GRIN3A: variants seen among roughly 807,000 people sequenced by gnomAD.
The protein encoded by GRIN3A is glutamate receptor ionotropic, NMDA 3A.
A neutral mutation model predicts 92.4 loss-of-function variants in GRIN3A; 47 were observed. That is an observed-to-expected ratio of 0.51 (90% CI 0.40 to 0.65). The LOEUF (loss-of-function observed/expected upper bound fraction) is 0.65, where lower values mean the gene tolerates loss of function less well. GRIN3A is among the 30% of genes least tolerant of loss of function. The pLI is 0.00. For synonymous variants in GRIN3A, 527 were observed against 540.6 expected (o/e 0.97, Z 0.35); for missense variants, 1,324 against 1,393.1 (o/e 0.95, Z 0.79).
chr9:101,728,414 G>T (rs1052834284), intron 1 of GRIN3A, among the ~76,000 whole-genome samples: 20 of 152,044 alleles, frequency 1.3e-4, no homozygotes, highest in Non-Finnish European at 2.1e-4. Flanking sequence ...TTTTTGAAAG[G>T]TACAAGTTGA....
chr9:101,632,210 A>G (rs1828724421), intron 3 of GRIN3A, among the ~76,000 whole-genome samples: 1 of 152,096 alleles, frequency 6.6e-6, no homozygotes, highest in Non-Finnish European at 1.5e-5. Flanking sequence ...TAACTCTTAA[A>G]TGTCACTTCC....
chr9:101,618,874 A>G (rs994903076), intron 5 of GRIN3A, among the ~76,000 whole-genome samples: 5 of 152,136 alleles, frequency 3.3e-5, no homozygotes, highest in Non-Finnish European at 7.4e-5. Context: ...AGTTGCTTTC[A>G]TTATTACTAG....
At chr9:101,684,508 TC>T (rs1253414963) in intron 2 of GRIN3A, among the ~76,000 whole-genome samples, 2 of 152,104 alleles carry the variant, frequency 1.3e-5, no homozygotes, top group Non-Finnish European at 2.9e-5. Context: ...GAATTTATAT[TC>T]TAGCTCAGAA....
intron 5 of GRIN3A, among the ~76,000 whole-genome samples, chr9:101,615,426 G>C (rs569450146): frequency 7.4e-6 from 1 of 134,468 alleles, no homozygotes; most frequent in Non-Finnish European, 1.5e-5. Context: ...TCTCGATCTC[G>C]GCTCACTGCA....
At chr9:101,648,536 G>A (rs1490535062) in intron 3 of GRIN3A, among the ~76,000 whole-genome samples, 2 of 151,990 alleles carry the variant, frequency 1.3e-5, no homozygotes. Flanking sequence ...TGTATGATCT[G>A]TTCATTGGTG....
intron 5 of GRIN3A, among the ~76,000 whole-genome samples, chr9:101,615,351 T>C (rs1828429917): frequency 6.6e-6 from 1 of 150,918 alleles, no homozygotes; most frequent in Admixed American, 6.6e-5. Context: ...TTATTCTAGC[T>C]TACAATTCAA....
In GRIN3A at chr9:101,737,923, C is replaced by T; in HGVS notation, c.57G>A (p.Pro19=). The change falls in exon 1 of 9, where the codon CCG becomes CCA. Residue 19 remains proline, a synonymous_variant. Coordinates refer to ENST00000361820, the MANE Select transcript of GRIN3A (RefSeq NM_133445.3). ...LLSRVCLLLP[P]PCALVLAGVP... is the part of the protein sequence containing the mutation. ...CCCCGGCCAGCACCAGTGCGCAGGG[C>T]GGCGGCAACAGCAGACAGACCCTGC... 6.5e-7 allele frequency: 1 copy of T among 1,536,944 alleles called. No individual in the cohort carries two copies. Among genetic ancestry groups the T allele is most frequent in the Admixed American group, 1.9e-5 (1 of 51,512 alleles).
chr9:101,661,436 C>T (rs745806686), intron 3 of GRIN3A, among the ~76,000 whole-genome samples: 2 of 151,734 alleles, frequency 1.3e-5, no homozygotes, highest in African/African-American at 2.4e-5. Context: ...AGTCATGTCC[C>T]TTTATAGCAT....
chr9:101,574,161 A>G (rs1383493448), intron 8 of GRIN3A, among the ~76,000 whole-genome samples: 1 of 152,166 alleles, frequency 6.6e-6, no homozygotes. Context: ...TGGGATAATG[A>G]AAGTCATATA....
rs144701915 is a variant in GRIN3A, at chr9:101,574,736, C to T, written c.3009-1223G>A. ...TGTTCTCACAACTTGTTTTGGGCAA[C>T]AGAAAGTGGCAGACATATCAGAGTG... On this transcript the variant is annotated intron_variant, in intron 8 of 8. Transcript: ENST00000361820. Among the ~76,000 whole-genome samples, 1,096 of 152,294 alleles carry T rather than the reference C, an allele frequency of 7.2e-3. 5 individuals are homozygous for T. Among genetic ancestry groups the T allele is most frequent in the Non-Finnish European group, 0.011 (756 of 68,020 alleles).
At chr9:101,665,525 C>A (rs1201118943) in intron 3 of GRIN3A, among the ~76,000 whole-genome samples, 1 of 151,758 alleles carries the variant, frequency 6.6e-6, no homozygotes, top group Non-Finnish European at 1.5e-5. Context: ...GTAAGGGGAA[C>A]CATCCTAATA....
intron 1 of GRIN3A, among the ~76,000 whole-genome samples, chr9:101,730,191 G>A (rs1233663786): frequency 1.3e-5 from 2 of 152,022 alleles, no homozygotes; most frequent in Non-Finnish European, 2.9e-5. Flanking sequence ...CACTTAAATT[G>A]CGGGTACACT....
chr9:101,698,641 A>G (rs1037488141), intron 1 of GRIN3A, among the ~76,000 whole-genome samples: 4 of 152,100 alleles, frequency 2.6e-5, no homozygotes, highest in African/African-American at 9.7e-5. Context: ...ATATCTGAAC[A>G]CTGTACATTT....
chr9:101,665,083 A>C (rs1401386469), intron 3 of GRIN3A, among the ~76,000 whole-genome samples: 1 of 151,968 alleles, frequency 6.6e-6, no homozygotes, highest in East Asian at 1.9e-4. Flanking sequence ...TGAGCTAGAA[A>C]TATAAACTAT....
intron 1 of GRIN3A, among the ~76,000 whole-genome samples, chr9:101,703,169 G>A (rs1418548539): frequency 3.3e-5 from 5 of 152,084 alleles, no homozygotes; most frequent in Non-Finnish European, 7.3e-5. Flanking sequence ...CACTTCAATA[G>A]CTTCCTCATT....
chr9:101,623,203 G>T lies in GRIN3A; in HGVS notation c.2614+115C>A. ...AGCTAAGTGCTTATGAGTTGAAAAT[G>T]AAAACGAGGGAAGATGAATAGCTCT... On this transcript the variant is annotated intron_variant, in intron 5 of 8. Coordinates refer to ENST00000361820, the MANE Select transcript of GRIN3A (RefSeq NM_133445.3). 5 of 749,000 alleles carry T rather than the reference G, an allele frequency of 6.7e-6. No homozygotes were observed. In the South Asian group the frequency reaches 7.3e-5, roughly 11 times the overall value. The allele number at this position is 749,000 out of a possible 1,614,324, so 46.4% of individuals were successfully genotyped here. A position where few individuals can be genotyped will look rare whatever the true frequency, so the allele number is the denominator to read the frequency against.
intron 1 of GRIN3A, among the ~76,000 whole-genome samples, chr9:101,707,237 A>G (rs1210241629): frequency 1.3e-5 from 2 of 152,238 alleles, no homozygotes; most frequent in Non-Finnish European, 2.9e-5. Context: ...TAGCTACATC[A>G]GCAGAAATGT....
At chr9:101,645,407 T>A (rs1435170187) in intron 3 of GRIN3A, among the ~76,000 whole-genome samples, 1 of 151,984 alleles carries the variant, frequency 6.6e-6, no homozygotes, top group East Asian at 1.9e-4. Flanking sequence ...GACACTTAGG[T>A]TAATTACATA....
chr9:101,670,009 T>C, intron 3 of GRIN3A, 51 bp downstream of exon 3: 1 of 1,308,276 alleles, frequency 7.6e-7, no homozygotes, highest in Non-Finnish European at 1.1e-6. Context: ...AGATACAACA[T>C]ACGGAATTAT....
Sources: gnomAD v4.1 joint callset for allele counts (sites outside exome capture counted in the v4.1 genomes callset) on GRCh38, gnomAD v4.1.1 for gene constraint, MANE v1.5 for transcripts, NCBI Gene and HGNC (gene_info 2026-07-23, HGNC 2026-07-21) for gene names.